The following IL12RB2 variants were observed in gnomAD, a reference collection of about 807,000 sequenced individuals.
IL12RB2 encodes interleukin 12 receptor subunit beta 2.
IL12RB2 carries 82 observed loss-of-function variants against 89.4 expected under a neutral mutation model. That is an observed-to-expected ratio of 0.92 (90% confidence interval 0.77 to 1.10). The LOEUF is 1.10. IL12RB2 is among the 50% of genes least tolerant of loss of function. The pLI is 0.00. For missense variants in IL12RB2, 963 were observed against 1,031.9 expected (o/e 0.93, Z 0.92); for synonymous variants, 368 against 370.1 (o/e 0.99, Z 0.07).
intron 2 of IL12RB2, among the ~76,000 whole-genome samples, chr1:67,319,005 T>C (rs1443563009): frequency 6.6e-6 from 1 of 152,202 alleles, no homozygotes; most frequent in African/African-American, 2.4e-5. Context: ...TCCTGAATGA[T>C]GGCTAGGCTA....
chr1:67,369,993 G>C (rs1190535216), intron 11 of IL12RB2, among the ~76,000 whole-genome samples: 1 of 145,750 alleles, frequency 6.9e-6, no homozygotes, highest in Non-Finnish European at 1.5e-5. Flanking sequence ...TTGCACTCCA[G>C]CCTGGGTGAC....
chr1:67,374,738 A>G, intron 13 of IL12RB2, among the ~76,000 whole-genome samples: 1 of 144,312 alleles, frequency 6.9e-6, no homozygotes, highest in Non-Finnish European at 1.5e-5. Flanking sequence ...GGCCTCTCAC[A>G]GTGCTGAGAT....
At chr1:67,363,091 C>T (rs530029189) in intron 10 of IL12RB2, among the ~76,000 whole-genome samples, 6 of 150,870 alleles carry the variant, frequency 4.0e-5, no homozygotes, top group South Asian at 2.1e-4. Flanking sequence ...TTAGTAGAGA[C>T]GGGGTTTCAC....
intron 9 of IL12RB2, 71 bp from the exon 10 acceptor site, chr1:67,350,799 A>G (rs1204499051): frequency 1.9e-6 from 3 of 1,590,474 alleles, no homozygotes; most frequent in African/African-American, 2.7e-5. Context: ...ATCTGTACCC[A>G]TGAGGTCCAG....
At position 67,313,214 on chromosome 1, in the gene IL12RB2, A is replaced by T. The variant is rs187756310; in HGVS notation, c.-124-699A>T. Among the ~76,000 whole-genome samples the T allele has an allele frequency of 2.3e-3, 330 of 146,560 alleles. 5 individuals carry two copies. The highest frequency in any genetic ancestry group is 1.4e-3 in the East Asian group (7 of 5,180). ...TCCTTTTCCATCACCATAGTGGAAT[A>T]GCATCAGATACGGTTACATATTGTA... On this transcript the variant is annotated intron_variant, in intron 1 of 16. Transcript: ENST00000674203.
At chr1:67,336,630 G>A (rs1355218644) in intron 8 of IL12RB2, among the ~76,000 whole-genome samples, 1 of 152,216 alleles carries the variant, frequency 6.6e-6, no homozygotes, top group African/African-American at 2.4e-5. Flanking sequence ...AGAAAGTAGA[G>A]CAAGAAAGGC....
intron 10 of IL12RB2, among the ~76,000 whole-genome samples, chr1:67,354,351 G>A (rs1178482853): frequency 6.6e-6 from 1 of 152,166 alleles, no homozygotes; most frequent in Non-Finnish European, 1.5e-5. Context: ...AGAAGTTGAA[G>A]ACAAAGGAGA....
At chr1:67,356,542 C>A (rs987387491) in intron 10 of IL12RB2, among the ~76,000 whole-genome samples, 1 of 152,118 alleles carries the variant, frequency 6.6e-6, no homozygotes, top group African/African-American at 2.4e-5. Context: ...AATTCCCTCA[C>A]GAAAAGCAGT....
chr1:67,339,395 G>A (rs532892871), intron 9 of IL12RB2, among the ~76,000 whole-genome samples: 7 of 151,766 alleles, frequency 4.6e-5, no homozygotes, highest in South Asian at 4.2e-4. Flanking sequence ...GCTGAGGCAC[G>A]AGAATCACTT....
intron 7 of IL12RB2, among the ~76,000 whole-genome samples, chr1:67,330,247 G>A (rs1657875810): frequency 6.7e-6 from 1 of 149,462 alleles, no homozygotes; most frequent in South Asian, 2.1e-4. Flanking sequence ...ATATTCAAGA[G>A]AGTATAACTA....
chr1:67,320,849 C>A (rs901051777), intron 3 of IL12RB2, among the ~76,000 whole-genome samples: 7 of 152,124 alleles, frequency 4.6e-5, no homozygotes, highest in Middle Eastern at 3.4e-3. Context: ...ATCAACCCGT[C>A]AACTACATTA....
At chr1:67,362,146 C>A (rs1662125625) in intron 10 of IL12RB2, among the ~76,000 whole-genome samples, 1 of 152,048 alleles carries the variant, frequency 6.6e-6, no homozygotes, top group Non-Finnish European at 1.5e-5. Context: ...TGGCATGTGC[C>A]TATAATCCCA....
intron 9 of IL12RB2, among the ~76,000 whole-genome samples, chr1:67,343,709 C>T (rs1339564098): frequency 1.3e-5 from 2 of 152,138 alleles, no homozygotes; most frequent in Admixed American, 1.3e-4. Flanking sequence ...AAGAAGAAAA[C>T]CACCTTTCAT....
At chr1:67,374,142 C>T (rs893862775) in intron 13 of IL12RB2, among the ~76,000 whole-genome samples, 15 of 152,222 alleles carry the variant, frequency 9.9e-5, no homozygotes, top group African/African-American at 3.4e-4. Flanking sequence ...TTTTACCTCT[C>T]AATAATACGT....
rs1195251775 is a variant in IL12RB2, at chr1:67,321,700, T to C, written c.175T>C (p.Cys59Arg). ...ATGCTCTTTGAAGCCCAGACAAGGC[T>C]GCTTTCACTATTCCAGACGTAACAA... The part of the protein sequence containing the change: ...ITCSLKPRQG[C>R]FHYSRRNKLI... The change falls in exon 4 of 17, where the codon TGC (cysteine) becomes CGC (arginine). Residue 59 changes from cysteine to arginine, a missense_variant. Transcript: ENST00000674203. 3.1e-6 allele frequency: 5 copies of C among 1,610,342 alleles called. No homozygotes were observed. Among genetic ancestry groups the C allele is most frequent in the Non-Finnish European group, 4.2e-6 (5 of 1,176,568 alleles).
intron 8 of IL12RB2, among the ~76,000 whole-genome samples, chr1:67,336,665 G>A: frequency 6.6e-6 from 1 of 152,148 alleles, no homozygotes; most frequent in African/African-American, 2.4e-5. Context: ...ATGAAGGAGA[G>A]GATAGAACAA....
At chr1:67,334,348 G>A (rs1658477976) in intron 8 of IL12RB2, among the ~76,000 whole-genome samples, 1 of 152,202 alleles carries the variant, frequency 6.6e-6, no homozygotes, top group Non-Finnish European at 1.5e-5. Context: ...ACTGCTAAAT[G>A]TGCTATTGTC....
Position 67,395,128 on chromosome 1 carries a change from C to G in IL12RB2, c.2047-419C>G, listed in dbSNP as rs1243180266. The stretch of plus-strand genomic sequence containing the variant: ...ACTAAAAATATAAAAATTAGCCAGG[C>G]ATGGTGGCACATGCCTATAATCCCA... On this transcript the variant is annotated intron_variant, in intron 16 of 16. Transcript: ENST00000674203. 2.0e-5 allele frequency among the ~76,000 whole-genome samples: 3 copies of G among 152,060 alleles called. No homozygotes were observed. In the East Asian group the frequency reaches 5.8e-4, roughly 29 times the overall value.
chr1:67,366,755 G>A (rs1662720722), intron 10 of IL12RB2, among the ~76,000 whole-genome samples: 2 of 152,128 alleles, frequency 1.3e-5, no homozygotes, highest in African/African-American at 4.8e-5. Context: ...ACATGCAAGA[G>A]AATATTCATT....
Sources: allele counts gnomAD v4.1 joint callset (sites outside exome capture counted in the v4.1 genomes callset), GRCh38; gene constraint gnomAD v4.1.1; transcripts MANE v1.5; gene names NCBI Gene and HGNC (gene_info 2026-07-23, HGNC 2026-07-21).